CMSS1: variants seen among roughly 807,000 people sequenced by gnomAD.
The protein encoded by CMSS1 is cms1 ribosomal small subunit homolog, also known as protein CMSS1.
In CMSS1, 33 loss-of-function variants were observed where a neutral mutation model predicts 43.5. The observed-to-expected ratio is 0.76, with a 90% CI of 0.57 to 1.01. The LOEUF is 1.01. Ranked by LOEUF, CMSS1 falls within the 50% of genes least tolerant of loss-of-function variation. The pLI is 0.00. For missense variants in CMSS1, 313 were observed against 326.4 expected (o/e 0.96, Z 0.32); for synonymous variants, 115 against 117.2 (o/e 0.98, Z 0.12).
intron 1 of CMSS1, chr3:99,848,062 C>A: frequency 1.6e-6 from 2 of 1,282,216 alleles, no homozygotes; most frequent in Non-Finnish European, 9.9e-7. Flanking sequence ...AAATATTTTC[C>A]ATACAAGTAT....
chr3:99,991,564 T>A (rs970006975), intron 1 of CMSS1, among the ~76,000 whole-genome samples: 2 of 152,002 alleles, frequency 1.3e-5, no homozygotes, highest in African/African-American at 4.8e-5. Flanking sequence ...ATCACAGACA[T>A]TGTACCCAAT....
At chr3:99,977,230 A>G (rs536459990) in intron 1 of CMSS1, among the ~76,000 whole-genome samples, 47 of 152,226 alleles carry the variant, frequency 3.1e-4, no homozygotes, top group Non-Finnish European at 5.7e-4. Context: ...AAGAAAGGCT[A>G]TATCACAGTG....
chr3:99,890,516 C>T (rs1305218810), intron 1 of CMSS1, among the ~76,000 whole-genome samples: 1 of 152,098 alleles, frequency 6.6e-6, no homozygotes, highest in Non-Finnish European at 1.5e-5. Context: ...TCTTTATCTT[C>T]ACATCCCTTA....
intron 1 of CMSS1, among the ~76,000 whole-genome samples, chr3:100,003,705 A>G (rs986267866): frequency 6.6e-6 from 1 of 152,090 alleles, no homozygotes; most frequent in Non-Finnish European, 1.5e-5. Context: ...TACTTGATCT[A>G]TGATCTTCAT....
At chr3:99,867,887 T>C (rs1023610071) in intron 1 of CMSS1, among the ~76,000 whole-genome samples, 2 of 152,212 alleles carry the variant, frequency 1.3e-5, no homozygotes, top group African/African-American at 2.4e-5. Flanking sequence ...GTTGTAAGTA[T>C]GCTGTAAAAG....
At chr3:99,860,886 A>T (rs1035839891) in intron 1 of CMSS1, among the ~76,000 whole-genome samples, 3 of 152,282 alleles carry the variant, frequency 2.0e-5, no homozygotes, top group Non-Finnish European at 2.9e-5. Flanking sequence ...TACCGTGAAT[A>T]TTGTGCCTCT....
At chr3:100,100,200 A>G (rs146815715) in intron 1 of CMSS1, among the ~76,000 whole-genome samples, 1 of 152,270 alleles carries the variant, frequency 6.6e-6, no homozygotes, top group African/African-American at 2.4e-5. Context: ...TGGGGGCACA[A>G]GTAGCCTTCT....
At chr3:99,973,958 T>C (rs936760320) in intron 1 of CMSS1, among the ~76,000 whole-genome samples, 1 of 152,246 alleles carries the variant, frequency 6.6e-6, no homozygotes, top group African/African-American at 2.4e-5. Flanking sequence ...CACTGTTTCC[T>C]GTAACCCACA....
chr3:99,959,140 C>G (rs1211469465), intron 1 of CMSS1, among the ~76,000 whole-genome samples: 2 of 151,906 alleles, frequency 1.3e-5, no homozygotes, highest in Non-Finnish European at 2.9e-5. Context: ...TCCATTTTTC[C>G]CAAACTTTAT....
chr3:100,050,007 G>A (rs541274516), intron 1 of CMSS1, among the ~76,000 whole-genome samples: 3 of 152,208 alleles, frequency 2.0e-5, no homozygotes, highest in Middle Eastern at 3.4e-3. Flanking sequence ...GGTTCTTTAC[G>A]GTTATTAGAA....
intron 1 of CMSS1, among the ~76,000 whole-genome samples, chr3:99,835,349 C>A (rs537334172): frequency 6.6e-6 from 1 of 152,290 alleles, no homozygotes; most frequent in South Asian, 2.1e-4. Flanking sequence ...GTTTTCATGT[C>A]TTTTGTTTGA....
chr3:99,825,775 C>CTTTTTTTTTTT (rs897686337), intron 1 of CMSS1, among the ~76,000 whole-genome samples: 2 of 121,612 alleles, frequency 1.6e-5, no homozygotes, highest in Non-Finnish European at 3.4e-5. Context: ...TTTTCTTTTT[C>CTTTTTTTTTTT]TTTTTTTTTT....
chr3:99,936,275 A>T (rs1384825130), intron 1 of CMSS1, among the ~76,000 whole-genome samples: 1 of 151,250 alleles, frequency 6.6e-6, no homozygotes, highest in African/African-American at 2.4e-5. Flanking sequence ...GGTAGCTAAC[A>T]TGTATTCATT....
At chr3:100,014,981 AGCTTTTTCCCCAT>A (rs1710297398) in intron 1 of CMSS1, among the ~76,000 whole-genome samples, 2 of 138,424 alleles carry the variant, frequency 1.4e-5, no homozygotes, top group South Asian at 4.6e-4. Context: ...AATATCAAGA[AGCTTTTTCCCCAT>A]GTTTTTTCAT....
At chr3:99,990,183 G>T (rs1459396740) in intron 1 of CMSS1, among the ~76,000 whole-genome samples, 1 of 152,136 alleles carries the variant, frequency 6.6e-6, no homozygotes, top group Non-Finnish European at 1.5e-5. Context: ...AAACAGAAAG[G>T]CTAGTCCTAA....
chr3:100,171,744 C>T, intron 6 of CMSS1, 95 bp from the exon 7 acceptor site: 1 of 970,314 alleles, frequency 1.0e-6, no homozygotes, highest in Non-Finnish European at 1.7e-6. Context: ...CGTATGCACA[C>T]ATCCTTTGAA....
At chr3:100,082,877 T>C (rs1272056890) in intron 1 of CMSS1, among the ~76,000 whole-genome samples, 7 of 152,226 alleles carry the variant, frequency 4.6e-5, no homozygotes, top group Admixed American at 2.0e-4. Flanking sequence ...TTGGGTTTAT[T>C]TTGTGAGAAT....
intron 2 of CMSS1, chr3:100,159,965 G>T (rs774471759): frequency 2.2e-6 from 1 of 455,828 alleles, no homozygotes; most frequent in South Asian, 1.6e-5. Context: ...TTGAAAAGAG[G>T]AAAGGAATGT....
At position 99,817,921 on chromosome 3, in the gene CMSS1, A is replaced by G. The variant is rs537897617; in HGVS notation, c.-59A>G. On this transcript the variant is annotated 5_prime_UTR_variant, in exon 1 of 10. Transcript: ENST00000421999. The stretch of plus-strand genomic sequence containing the variant: ...GGCCGCCTGGCTTTGAGACAACGTG[A>G]TTCTCCGCAGCTGGTCGCCTACCCG... The G allele has an allele frequency of 6.4e-7, 1 of 1,573,918 alleles. No individual in the cohort carries two copies. The highest frequency in any genetic ancestry group is 2.2e-5 in the East Asian group (1 of 44,608).
Sources: allele counts gnomAD v4.1 joint callset (sites outside exome capture counted in the v4.1 genomes callset), GRCh38; gene constraint gnomAD v4.1.1; transcripts MANE v1.5; gene names NCBI Gene and HGNC (gene_info 2026-07-23, HGNC 2026-07-21).